VPS37A: variants seen among roughly 807,000 people sequenced by gnomAD.
VPS37A encodes vacuolar protein sorting-associated protein 37A.
In VPS37A, 30 loss-of-function variants were observed where a neutral mutation model predicts 49.8. The observed-to-expected ratio is 0.60, with a 90% CI of 0.45 to 0.82. The LOEUF is 0.82. Among genes scored for constraint, VPS37A ranks in the 40% least tolerant of loss-of-function variants. VPS37A has a pLI of 0.00. For synonymous variants in VPS37A, 195 were observed against 160.6 expected (o/e 1.21, Z -1.62); for missense variants, 593 against 464.4 (o/e 1.28, Z -2.55).
rs993349922 is a variant in VPS37A, at chr8:17,276,568, A to G, written c.713+101A>G. 4.3e-6 allele frequency: 5 copies of G among 1,162,182 alleles called. No homozygotes were observed. In the Admixed American group the frequency reaches 1.3e-4, roughly 31 times the overall value. The allele number at this position is 1,162,182 out of a possible 1,614,324, so 72.0% of individuals were successfully genotyped here. On this transcript the variant is annotated intron_variant, in intron 6 of 11. Coordinates refer to ENST00000324849, the MANE Select transcript of VPS37A (RefSeq NM_152415.3). ...ATATAAATTAAAGTTTAAAATTTTC[A>G]CTAATCCTAAACAATATTGTTGTTG...
At chr8:17,284,078 A>G (rs570272263) in intron 9 of VPS37A, among the ~76,000 whole-genome samples, 98 of 152,272 alleles carry the variant, frequency 6.4e-4, no homozygotes, top group Non-Finnish European at 1.2e-3. Flanking sequence ...GCCTTATTCT[A>G]TTGAAATGAG....
chr8:17,249,136 A>G (rs928162464), intron 1 of VPS37A, among the ~76,000 whole-genome samples: 1 of 152,208 alleles, frequency 6.6e-6, no homozygotes, highest in Non-Finnish European at 1.5e-5. Context: ...AATGCTGACT[A>G]ATTTTTTTCT....
the VPS37A span, chr8:17,313,171 C>G: frequency 1.6e-6 from 1 of 619,502 alleles, no homozygotes; most frequent in Non-Finnish European, 2.8e-6. Context: ...CTCTACAAAG[C>G]TGGCTATCCA....
At chr8:17,302,212 A>T, downstream of VPS37A, 1 of 1,614,042 alleles carries the variant, frequency 6.2e-7, no homozygotes, top group Non-Finnish European at 8.5e-7. Flanking sequence ...CACTGCCATT[A>T]GGTAATCTGT....
intron 1 of VPS37A, among the ~76,000 whole-genome samples, chr8:17,263,892 G>T (rs1813193543): frequency 1.3e-5 from 2 of 152,120 alleles, no homozygotes; most frequent in South Asian, 4.1e-4. Flanking sequence ...AGTGAGCCAA[G>T]ATCGTGTCAC....
Position 17,295,558 on chromosome 8 carries a change from C to T in VPS37A, c.*572C>T, listed in dbSNP as rs1816558026. Reference sequence around the variant, plus strand: ...CCTACAATAAATCAAAAGAATAAACCAGCTGTTCTTATATATTGTTTCATT... The same window carrying T: ...CCTACAATAAATCAAAAGAATAAACTAGCTGTTCTTATATATTGTTTCATT... On this transcript the variant is annotated 3_prime_UTR_variant, in exon 12 of 12. Transcript: ENST00000324849. 6.6e-6 allele frequency: 1 copy of T among 152,312 alleles called. No individual in the cohort carries two copies. Among genetic ancestry groups the T allele is most frequent in the African/African-American group, 2.4e-5 (1 of 41,328 alleles). The allele number at this position is 152,312 out of a possible 1,614,324, so 9.4% of individuals were successfully genotyped here.
At chr8:17,258,123 T>C (rs1447986643) in intron 1 of VPS37A, among the ~76,000 whole-genome samples, 1 of 152,162 alleles carries the variant, frequency 6.6e-6, no homozygotes, top group African/African-American at 2.4e-5. Context: ...CTCTTTTCCA[T>C]TTTAGATGCT....
At chr8:17,287,597 G>A (rs1815728739) in intron 11 of VPS37A, among the ~76,000 whole-genome samples, 1 of 151,902 alleles carries the variant, frequency 6.6e-6, no homozygotes, top group South Asian at 2.1e-4. Context: ...AGAATGGCAT[G>A]AACCTGGGAG....
At chr8:17,301,952 CCA>C, downstream of VPS37A, 1 of 564,660 alleles carries the variant, frequency 1.8e-6, no homozygotes, top group Non-Finnish European at 2.9e-6. Flanking sequence ...GAGCCACAAA[CCA>C]GATGTGTGAA....
chr8:17,296,971 A>AAAAG lies in VPS37A; in HGVS notation c.*1988_*1991dup, dbSNP rs1334251508. The AAAAG allele has an allele frequency of 1.3e-5, 2 of 152,198 alleles. No homozygotes were observed. Among genetic ancestry groups the AAAAG allele is most frequent in the African/African-American group, 4.8e-5 (2 of 41,456 alleles). 9.4% of individuals were successfully genotyped at this position (152,198 alleles called of 1,614,324 possible). On this transcript the variant is annotated 3_prime_UTR_variant, in exon 12 of 12. Transcript: ENST00000324849. ...AAGGTTATGTATGTCACCCACGATG[A>AAAAG]AAAGAATCTGCATTTGAATATGCCC...
intron 1 of VPS37A, 23 bp downstream of exon 1, chr8:17,247,392 C>T: frequency 4.2e-6 from 4 of 960,404 alleles, no homozygotes; most frequent in Non-Finnish European, 4.3e-6. Context: ...TGCCTCTCCA[C>T]CGGAGGAAAA....
At chr8:17,300,778 T>C (rs1319053635), downstream of VPS37A, among the ~76,000 whole-genome samples, 4 of 152,208 alleles carry the variant, frequency 2.6e-5, no homozygotes, top group Non-Finnish European at 5.9e-5. Context: ...CCCATTCCTA[T>C]CTCCCCACAG....
intron 4 of VPS37A, among the ~76,000 whole-genome samples, chr8:17,270,445 T>C (rs1013624976): frequency 4.6e-5 from 7 of 152,186 alleles, no homozygotes; most frequent in Non-Finnish European, 8.8e-5. Flanking sequence ...GGCATCTCCA[T>C]GTGACCTGCG....
the VPS37A span, among the ~76,000 whole-genome samples, chr8:17,315,174 G>A: frequency 1.3e-5 from 2 of 152,194 alleles, no homozygotes; most frequent in Non-Finnish European, 2.9e-5. Context: ...AAAAGGAGAT[G>A]AGCTATGAAA....
chr8:17,247,162 G>T lies in VPS37A; in HGVS notation c.-83G>T. The T allele has an allele frequency of 6.5e-7, 1 of 1,541,366 alleles. No homozygotes were observed. On this transcript the variant is annotated 5_prime_UTR_variant, in exon 1 of 12. Transcript: ENST00000324849. ...CACGGACGTCCCACCCCGCTCCTCT[G>T]TCGCTGGAGAACCGCCGGGCCGAGC...
chr8:17,318,483 G>A, the VPS37A span, among the ~76,000 whole-genome samples: 1 of 152,146 alleles, frequency 6.6e-6, no homozygotes, highest in Non-Finnish European at 1.5e-5. Context: ...TTAGGTTACT[G>A]GAACTGCAGC....
In VPS37A at chr8:17,271,909, T is replaced by G. The variant is rs993615360; in HGVS notation, c.417-2824T>G. 88 of 449,680 alleles carry G rather than the reference T, an allele frequency of 2.0e-4. 1 individual carries two copies. Among genetic ancestry groups the G allele is most frequent in the South Asian group, 3.3e-4 (21 of 63,186 alleles). 27.9% of individuals were successfully genotyped at this position (449,680 alleles called of 1,614,324 possible). A position where few individuals can be genotyped will look rare whatever the true frequency, so the allele number is the denominator to read the frequency against. On this transcript the variant is annotated intron_variant, in intron 4 of 11. Coordinates refer to ENST00000324849, the MANE Select transcript of VPS37A (RefSeq NM_152415.3). Reference sequence around the variant, plus strand: ...TCTTAGGGAAGCTAGGAATGAGAGATAAATTTATTTTCAAATCCAGGAAAT... The same window carrying G: ...TCTTAGGGAAGCTAGGAATGAGAGAGAAATTTATTTTCAAATCCAGGAAAT...
chr8:17,266,114 T>A, intron 2 of VPS37A, 133 bp downstream of exon 2: 1 of 759,176 alleles, frequency 1.3e-6, no homozygotes, highest in South Asian at 2.0e-5. Context: ...AGTGCACAAT[T>A]CAGTGAAATA....
the VPS37A span, among the ~76,000 whole-genome samples, chr8:17,327,873 C>G: frequency 6.6e-6 from 1 of 152,114 alleles, no homozygotes; most frequent in African/African-American, 2.4e-5. Context: ...ACTGTTTACT[C>G]TTTTAAAAAA....
Sources: gnomAD v4.1 joint callset for allele counts (sites outside exome capture counted in the v4.1 genomes callset) on GRCh38, gnomAD v4.1.1 for gene constraint, MANE v1.5 for transcripts, NCBI Gene and HGNC (gene_info 2026-07-23, HGNC 2026-07-21) for gene names.